The following ARMH1 variants were observed in gnomAD, a reference collection of about 807,000 sequenced individuals.
ARMH1 encodes armadillo like helical domain containing 1.
In ARMH1, 34 loss-of-function variants were observed where a neutral mutation model predicts 50.2. The ratio of observed to expected loss-of-function variants is 0.68; its 90% CI spans 0.51 to 0.90. The LOEUF (loss-of-function observed/expected upper bound fraction) is 0.90. ARMH1 is among the 40% of genes least tolerant of loss of function. ARMH1 has a pLI of 0.00. For missense variants in ARMH1, 538 were observed against 553.9 expected (o/e 0.97, Z 0.29); for synonymous variants, 221 against 224.2 (o/e 0.99, Z 0.13).
intron 5 of ARMH1, among the ~76,000 whole-genome samples, chr1:44,702,218 C>G (rs771281175): frequency 6.6e-6 from 1 of 152,218 alleles, no homozygotes; most frequent in Non-Finnish European, 1.5e-5. Flanking sequence ...TCTACACGCT[C>G]TCTCTTAGTC....
intron 6 of ARMH1, among the ~76,000 whole-genome samples, chr1:44,721,562 G>A (rs1350026607): frequency 1.3e-5 from 2 of 151,906 alleles, no homozygotes; most frequent in African/African-American, 4.8e-5. Context: ...TTTACAAGAA[G>A]CTAAAAAAAC....
chr1:44,678,241 C>A (rs762533358), intron 1 of ARMH1, among the ~76,000 whole-genome samples: 5 of 151,574 alleles, frequency 3.3e-5, no homozygotes, highest in Non-Finnish European at 7.4e-5. Context: ...GTCTGTGGAG[C>A]AGTGTTGGAG....
intron 6 of ARMH1, among the ~76,000 whole-genome samples, chr1:44,709,885 G>T (rs542484007): frequency 2.0e-5 from 3 of 152,066 alleles, no homozygotes; most frequent in Non-Finnish European, 4.4e-5. Flanking sequence ...TAAGAATCAA[G>T]TCCATGGTAA....
At chr1:44,698,298 T>G (rs1041247956) in intron 4 of ARMH1, 69 bp downstream of exon 4, 3 of 1,336,568 alleles carry the variant, frequency 2.2e-6, no homozygotes, top group Non-Finnish European at 3.0e-6. Flanking sequence ...AACCCACCAC[T>G]GCTATAGGAA....
chr1:44,712,355 G>A (rs1320815925), intron 6 of ARMH1, among the ~76,000 whole-genome samples: 1 of 152,112 alleles, frequency 6.6e-6, no homozygotes, highest in East Asian at 1.9e-4. Flanking sequence ...CTACTTGGGA[G>A]GTTGAGGTAG....
Position 44,725,589 on chromosome 1 carries a change from G to T in ARMH1, c.*186G>T. ...GAGTCAATAAACAGCCTTGATACCTGTCTGTTCTTTGTGTGTGTGGAGGGG... is the reference window on the plus strand; with the variant it reads ...GAGTCAATAAACAGCCTTGATACCTTTCTGTTCTTTGTGTGTGTGGAGGGG... On this transcript the variant is annotated 3_prime_UTR_variant, in exon 12 of 12. Coordinates refer to ENST00000535358, the MANE Select transcript of ARMH1 (RefSeq NM_001145636.2). The T allele has an allele frequency of 1.6e-6, 1 of 628,964 alleles. No individual in the cohort carries two copies. 39.0% of individuals were successfully genotyped at this position (628,964 alleles called of 1,614,324 possible). A position where few individuals can be genotyped will look rare whatever the true frequency, so the allele number is the denominator to read the frequency against.
chr1:44,700,335 T>C (rs1423775038), intron 4 of ARMH1, among the ~76,000 whole-genome samples: 2 of 152,158 alleles, frequency 1.3e-5, no homozygotes, highest in Non-Finnish European at 2.9e-5. Context: ...AGTGTTATCA[T>C]GGCCGGGCGC....
intron 11 of ARMH1, 28 bp downstream of exon 11, chr1:44,725,245 G>A (rs1378647433): frequency 1.3e-6 from 2 of 1,551,708 alleles, no homozygotes; most frequent in African/African-American, 1.4e-5. Context: ...GAAGCCGGGC[G>A]CAGGCGCCGC....
chr1:44,719,274 G>T (rs1646985341), intron 6 of ARMH1, among the ~76,000 whole-genome samples: 1 of 152,176 alleles, frequency 6.6e-6, no homozygotes, highest in African/African-American at 2.4e-5. Context: ...CCCCTCTAGT[G>T]TGCCTCAAGG....
chr1:44,722,782 G>T (rs376364699), intron 6 of ARMH1, among the ~76,000 whole-genome samples: 1 of 146,792 alleles, frequency 6.8e-6, no homozygotes, highest in East Asian at 2.1e-4. Context: ...TGGGCCCACC[G>T]GGCCCAGTGG....
intron 1 of ARMH1, 88 bp from the exon 2 acceptor site, chr1:44,689,588 C>G: frequency 9.7e-7 from 1 of 1,032,232 alleles, no homozygotes; most frequent in African/African-American, 1.6e-5. Flanking sequence ...TAAAGCCACA[C>G]CCTGCCTGCA....
intron 2 of ARMH1, among the ~76,000 whole-genome samples, chr1:44,694,509 C>CTTTTTTTTT (rs10531731): frequency 8.8e-5 from 10 of 113,670 alleles, no homozygotes; most frequent in Non-Finnish European, 1.4e-4. Context: ...TTCTTTTTTT[C>CTTTTTTTTT]TTTTTTTTTT....
chr1:44,718,258 C>T (rs1414846591), intron 6 of ARMH1, among the ~76,000 whole-genome samples: 1 of 152,186 alleles, frequency 6.6e-6, no homozygotes, highest in Non-Finnish European at 1.5e-5. Flanking sequence ...CCTGGCATTA[C>T]GCACTGCCAG....
At position 44,683,027 on chromosome 1, in the gene ARMH1, ATCCATATGCGG is replaced by A; in HGVS notation, c.-22-6648_-22-6638del. Among the ~76,000 whole-genome samples, 1 of 152,326 alleles carries A rather than the reference ATCCATATGCGG, an allele frequency of 6.6e-6. No homozygotes were observed. The highest frequency in any genetic ancestry group is 2.1e-4 in the South Asian group (1 of 4,832). On this transcript the variant is annotated intron_variant, in intron 1 of 11. Transcript: ENST00000535358. This position sits in a 1 kb window ranked among gnomAD's most constrained non-coding sequence, Gnocchi z 4.2. ...AAGACCAGTGGAGGCTGTTGCAGTAATCCATATGCGGAACAAGGGTGTGAAACTGAAATAGC... is the reference window on the plus strand; with the variant it reads ...AAGACCAGTGGAGGCTGTTGCAGTAAAACAAGGGTGTGAAACTGAAATAGC...
chr1:44,708,607 A>G (rs1432623803), intron 6 of ARMH1, among the ~76,000 whole-genome samples: 1 of 152,134 alleles, frequency 6.6e-6, no homozygotes, highest in East Asian at 1.9e-4. Flanking sequence ...TTAGAAAGCT[A>G]CAGGGAAAGT....
intron 1 of ARMH1, among the ~76,000 whole-genome samples, chr1:44,687,907 A>G (rs1419969322): frequency 6.6e-6 from 1 of 152,154 alleles, no homozygotes; most frequent in Non-Finnish European, 1.5e-5. Flanking sequence ...GCGTCCTGGA[A>G]TCGCTGGGTG....
intron 6 of ARMH1, among the ~76,000 whole-genome samples, chr1:44,707,656 A>G (rs2148697985): frequency 6.6e-6 from 1 of 152,302 alleles, no homozygotes; most frequent in Non-Finnish European, 1.5e-5. Context: ...TCCTGGGCTC[A>G]AGTGATCCTC....
chr1:44,698,605 G>GT (rs919583342), intron 4 of ARMH1, among the ~76,000 whole-genome samples: 1 of 148,404 alleles, frequency 6.7e-6, no homozygotes, highest in Admixed American at 6.7e-5. Context: ...GAGGTCAGGA[G>GT]TTTGAGACCA....
At chr1:44,723,992 A>C in intron 6 of ARMH1, 130 bp from the exon 7 acceptor site, 1 of 1,195,326 alleles carries the variant, frequency 8.4e-7, no homozygotes, top group South Asian at 1.8e-5. Flanking sequence ...CAGCTCCCCC[A>C]CGCCCTGCAC....
Sources: gnomAD v4.1 joint callset for allele counts (sites outside exome capture counted in the v4.1 genomes callset) on GRCh38, gnomAD v4.1.1 for gene constraint, Gnocchi (gnomAD v3.1) non-coding constraint, MANE v1.5 for transcripts, NCBI Gene and HGNC (gene_info 2026-07-23, HGNC 2026-07-21) for gene names.